TCF7L2: variants seen among roughly 807,000 people sequenced by gnomAD.
The protein encoded by TCF7L2 is transcription factor 7 like 2.
A neutral mutation model predicts 77.9 loss-of-function variants in TCF7L2; 23 were observed. The observed-to-expected ratio is 0.30, with a 90% CI of 0.21 to 0.42. The LOEUF (loss-of-function observed/expected upper bound fraction) is 0.42. TCF7L2 is among the 10% of genes least tolerant of loss of function. The pLI, the probability that TCF7L2 is intolerant of heterozygous loss-of-function variation, is 1.00. For synonymous variants in TCF7L2, 413 were observed against 340.2 expected, an observed-to-expected ratio of 1.21 and a Z score of -2.36; for missense variants, 654 against 793.1, an observed-to-expected ratio of 0.82 and a Z score of 2.11.
intron 4 of TCF7L2, among the ~76,000 whole-genome samples, chr10:113,007,244 G>T (rs2045720179): frequency 6.6e-6 from 1 of 152,164 alleles, no homozygotes; most frequent in Middle Eastern, 3.2e-3. Flanking sequence ...TTCGTTCTGG[G>T]GGGTTCTGTG....
At chr10:113,034,243 C>A (rs937785060) in intron 4 of TCF7L2, among the ~76,000 whole-genome samples, 4 of 152,132 alleles carry the variant, frequency 2.6e-5, no homozygotes, top group Admixed American at 2.6e-4. Flanking sequence ...TCTTATTTTG[C>A]ACATTTTTCT....
intron 5 of TCF7L2, among the ~76,000 whole-genome samples, chr10:113,071,190 A>G (rs1486065097): frequency 6.6e-6 from 1 of 152,168 alleles, no homozygotes; most frequent in Non-Finnish European, 1.5e-5. Context: ...TGCTACAAGA[A>G]GACAGAATGT....
intron 4 of TCF7L2, among the ~76,000 whole-genome samples, chr10:112,999,255 G>A (rs2044045284): frequency 1.3e-5 from 2 of 152,228 alleles, no homozygotes; most frequent in African/African-American, 4.8e-5. Flanking sequence ...ATGGTCCTGT[G>A]TTGTTGTTTG....
chr10:113,045,373 A>G (rs1483003638), intron 5 of TCF7L2, among the ~76,000 whole-genome samples: 1 of 152,134 alleles, frequency 6.6e-6, no homozygotes, highest in African/African-American at 2.4e-5. Flanking sequence ...GAAACAAGGC[A>G]CCCTGGCTCC....
At chr10:113,097,674 A>AC (rs1564890355) in intron 5 of TCF7L2, among the ~76,000 whole-genome samples, 2 of 102,480 alleles carry the variant, frequency 2.0e-5, no homozygotes, top group African/African-American at 6.5e-5. Context: ...AAAAAAAAAA[A>AC]CAACCATGAG....
intron 8 of TCF7L2, 55 bp from the exon 9 acceptor site, chr10:113,150,943 C>T (rs774006464): frequency 1.2e-6 from 2 of 1,610,686 alleles, no homozygotes; most frequent in Non-Finnish European, 8.5e-7. Context: ...TGTACACATC[C>T]CTCCTCATTC....
rs963256481 is a variant in TCF7L2, at chr10:113,162,504, T to TA, written c.1391+1823dup. Among the ~76,000 whole-genome samples the TA allele has an allele frequency of 1.7e-4, 26 of 149,594 alleles. No homozygotes were observed. The South Asian group carries it at 1.9e-3, about 11-fold the overall frequency. ...CAGAGACCAGAATTTTATTGATATA[T>TA]AAAAAAAAAATCTGCCAACCGAAAA... On this transcript the variant is annotated intron_variant, in intron 13 of 13. Transcript: ENST00000627217.
intron 5 of TCF7L2, among the ~76,000 whole-genome samples, chr10:113,069,675 T>TTCTGCCCAGTC (rs2057706176): frequency 6.6e-6 from 1 of 152,204 alleles, no homozygotes; most frequent in Non-Finnish European, 1.5e-5. Context: ...TAGTCTGGCC[T>TTCTGCCCAGTC]TCTGCCCATT....
At chr10:113,142,573 G>C (rs1302933306) in intron 6 of TCF7L2, among the ~76,000 whole-genome samples, 2 of 152,186 alleles carry the variant, frequency 1.3e-5, no homozygotes, top group Non-Finnish European at 2.9e-5. Context: ...GGTAGTGTTG[G>C]GGTAGGTAGG....
At chr10:113,125,124 G>T (rs1161762156) in intron 5 of TCF7L2, among the ~76,000 whole-genome samples, 1 of 151,974 alleles carries the variant, frequency 6.6e-6, no homozygotes, top group African/African-American at 2.4e-5. Flanking sequence ...ATTTGTATAG[G>T]AATTATTTAC....
chr10:113,145,070 C>A (rs1388407671), intron 7 of TCF7L2, among the ~76,000 whole-genome samples: 1 of 150,556 alleles, frequency 6.6e-6, no homozygotes, highest in South Asian at 2.1e-4. Context: ...GTGGCTTACC[C>A]CACAATTCTA....
intron 5 of TCF7L2, among the ~76,000 whole-genome samples, chr10:113,072,588 C>G (rs982702526): frequency 6.6e-6 from 1 of 152,214 alleles, no homozygotes; most frequent in Admixed American, 6.5e-5. Context: ...CTCCTGACCT[C>G]AGGTGAGCGT....
intron 5 of TCF7L2, among the ~76,000 whole-genome samples, chr10:113,102,586 A>G (rs1205915500): frequency 6.6e-6 from 1 of 151,818 alleles, no homozygotes; most frequent in Non-Finnish European, 1.5e-5. Flanking sequence ...CATCATGCCC[A>G]GCTAATTTTT....
At chr10:113,058,492 G>A (rs1268753351) in intron 5 of TCF7L2, among the ~76,000 whole-genome samples, 1 of 152,130 alleles carries the variant, frequency 6.6e-6, no homozygotes, top group Non-Finnish European at 1.5e-5. Context: ...TTGGTGTCAG[G>A]TCCCCGAGGG....
chr10:113,075,340 T>A (rs1160996487), intron 5 of TCF7L2, among the ~76,000 whole-genome samples: 1 of 152,046 alleles, frequency 6.6e-6, no homozygotes, highest in Non-Finnish European at 1.5e-5. Flanking sequence ...GCACCTGTAA[T>A]CCGAGCTCTC....
At chr10:113,020,373 G>A (rs976528026) in intron 4 of TCF7L2, among the ~76,000 whole-genome samples, 1 of 152,122 alleles carries the variant, frequency 6.6e-6, no homozygotes, top group Non-Finnish European at 1.5e-5. Flanking sequence ...TCCTCACCCC[G>A]TGTGTCTGGA....
chr10:113,067,976 C>T (rs1004933391), intron 5 of TCF7L2, among the ~76,000 whole-genome samples: 3 of 152,134 alleles, frequency 2.0e-5, no homozygotes, highest in Non-Finnish European at 4.4e-5. Context: ...TTTTGAATCT[C>T]CTGGTACCCT....
intron 5 of TCF7L2, among the ~76,000 whole-genome samples, chr10:113,111,662 T>C (rs1414871030): frequency 2.0e-5 from 3 of 152,078 alleles, no homozygotes; most frequent in Admixed American, 2.0e-4. Flanking sequence ...CGTGGTGGCA[T>C]GTGCCCATCA....
At chr10:113,007,374 C>T (rs1211537632) in intron 4 of TCF7L2, among the ~76,000 whole-genome samples, 1 of 152,228 alleles carries the variant, frequency 6.6e-6, no homozygotes, top group Non-Finnish European at 1.5e-5. Context: ...GCTCCCTTTC[C>T]TGCTCACTCT....
Sources: allele counts gnomAD v4.1 joint callset (sites outside exome capture counted in the v4.1 genomes callset), GRCh38; gene constraint gnomAD v4.1.1; transcripts MANE v1.5; gene names NCBI Gene and HGNC (gene_info 2026-07-23, HGNC 2026-07-21).